Variants in DOCK8 observed in about 807,000 individuals in gnomAD.
DOCK8 encodes the protein dedicator of cytokinesis 8.
DOCK8 carries 141 observed loss-of-function variants against 245.6 expected under a neutral mutation model. That is an observed-to-expected ratio of 0.57 (90% CI 0.50 to 0.66). DOCK8 has a LOEUF of 0.66. DOCK8 is among the 30% of genes least tolerant of loss of function. DOCK8 has a pLI of 0.00. For synonymous variants in DOCK8, 1,168 were observed against 970.2 expected, an observed-to-expected ratio of 1.20 and a Z score of -3.79; for missense variants, 2,965 against 2,603.4, an observed-to-expected ratio of 1.14 and a Z score of -3.02.
At chr9:238,323 A>G (rs2047306244) in intron 1 of DOCK8, among the ~76,000 whole-genome samples, 1 of 152,244 alleles carries the variant, frequency 6.6e-6, no homozygotes, top group Admixed American at 6.5e-5. Flanking sequence ...ACACAAATCA[A>G]AGAGTGCTAA....
chr9:214,858 GC>G (rs2046700415), upstream of DOCK8: 6 of 1,602,146 alleles, frequency 3.7e-6, no homozygotes, highest in Non-Finnish European at 5.1e-6. Context: ...AGTTTCCAGC[GC>G]CGACCGACAG....
intron 14 of DOCK8, 133 bp from the exon 15 acceptor site, chr9:367,885 A>G (rs2053085246): frequency 1.4e-6 from 1 of 720,896 alleles, no homozygotes; most frequent in East Asian, 2.6e-5. Flanking sequence ...CCCCCCAATA[A>G]TAATTCACTT....
intron 26 of DOCK8, among the ~76,000 whole-genome samples, chr9:401,096 A>ACCACCACC (rs1344564311): frequency 0.031 from 4,702 of 149,358 alleles, 333 homozygotes; most frequent in African/African-American, 0.11. Flanking sequence ...CTCCACCACC[A>ACCACCACC]TCACCACCTC....
chr9:256,640 G>C (rs1411297844), intron 1 of DOCK8, among the ~76,000 whole-genome samples: 1 of 152,040 alleles, frequency 6.6e-6, no homozygotes, highest in African/African-American at 2.4e-5. Context: ...CCCTCATTCT[G>C]GTCATCTCCT....
intron 1 of DOCK8, among the ~76,000 whole-genome samples, chr9:247,097 G>C (rs1209039525): frequency 6.6e-6 from 1 of 152,168 alleles, no homozygotes. Context: ...AAAGCATTCT[G>C]AATGACCTGA....
chr9:233,903 TTTAATA>T (rs1254171450), intron 1 of DOCK8, among the ~76,000 whole-genome samples: 2 of 152,088 alleles, frequency 1.3e-5, no homozygotes, highest in East Asian at 3.9e-4. Flanking sequence ...TTACATTTAA[TTTAATA>T]TTGTTATGTG....
At chr9:427,016 C>T in intron 34 of DOCK8, 35 bp downstream of exon 34, 2 of 1,565,622 alleles carry the variant, frequency 1.3e-6, no homozygotes, top group Non-Finnish European at 1.8e-6. Flanking sequence ...GATTTGTTGG[C>T]CATGAATATG....
intron 29 of DOCK8, 28 bp from the exon 30 acceptor site, chr9:418,040 G>A: frequency 6.2e-7 from 1 of 1,614,006 alleles, no homozygotes; most frequent in Non-Finnish European, 8.5e-7. Flanking sequence ...TGTTTGACTT[G>A]ACATCACAAA....
intron 39 of DOCK8, among the ~76,000 whole-genome samples, chr9:436,411 A>G (rs10283673): frequency 0.68 from 103,424 of 152,174 alleles, 37,255 homozygotes; most frequent in East Asian, 0.98. Flanking sequence ...TGACCATGTG[A>G]TACTATCAAA....
rs750712866 is a variant in DOCK8, at chr9:367,998, C to G, written c.1680-20C>G. The G allele has an allele frequency of 7.6e-6, 12 of 1,580,328 alleles. No individual in the cohort carries two copies. The Admixed American group carries it at 2.0e-4, about 26-fold the overall frequency. On this transcript the variant is annotated intron_variant, in intron 14 of 47. Transcript: ENST00000432829. ...AAACTCTAGACCTTTTTCATTGATT[C>G]TTTATCTCTTCTTTTCCAGAAACCT...
chr9:464,227 C>T lies in DOCK8; in HGVS notation c.*8C>T. The T allele has an allele frequency of 6.2e-7, 1 of 1,612,632 alleles. No individual in the cohort carries two copies. The highest frequency in any genetic ancestry group is 8.5e-7 in the Non-Finnish European group (1 of 1,178,670). On this transcript the variant is annotated 3_prime_UTR_variant, in exon 48 of 48. Transcript: ENST00000432829. Reference sequence around the variant, plus strand: ...TTGTCACAGGGCAGCTAAGAAAAGCCATCTTCATTCGTGGAGACTGTGGCC... The same window carrying T: ...TTGTCACAGGGCAGCTAAGAAAAGCTATCTTCATTCGTGGAGACTGTGGCC...
intron 28 of DOCK8, among the ~76,000 whole-genome samples, chr9:414,123 C>T (rs1385357161): frequency 7.2e-6 from 1 of 139,076 alleles, no homozygotes; most frequent in Admixed American, 7.3e-5. Context: ...GCCTGAACAA[C>T]TCCATGTCAA....
intron 7 of DOCK8, among the ~76,000 whole-genome samples, chr9:317,401 C>T (rs2050394111): frequency 6.6e-6 from 1 of 152,136 alleles, no homozygotes; most frequent in African/African-American, 2.4e-5. Context: ...AAATGACCTA[C>T]ATTAAGAAAA....
chr9:336,523 A>C, intron 11 of DOCK8, 59 bp from the exon 12 acceptor site: 1 of 1,609,810 alleles, frequency 6.2e-7, no homozygotes, highest in Non-Finnish European at 8.5e-7. Flanking sequence ...TGAAGTTAAT[A>C]ACTGCTGTGT....
chr9:368,195 C>T (rs778443444), intron 15 of DOCK8, 60 bp downstream of exon 15: 19 of 1,368,706 alleles, frequency 1.4e-5, no homozygotes, highest in Non-Finnish European at 1.9e-5. Context: ...CCTGTCACTT[C>T]ACACAAGTCC....
intron 14 of DOCK8, among the ~76,000 whole-genome samples, chr9:362,614 C>T (rs991070422): frequency 2.6e-5 from 4 of 152,196 alleles, no homozygotes; most frequent in Non-Finnish European, 5.9e-5. Flanking sequence ...CTCTTTCCTT[C>T]TCTCCTGCTG....
At chr9:371,139 A>G (rs1168487306) in intron 16 of DOCK8, among the ~76,000 whole-genome samples, 2 of 152,044 alleles carry the variant, frequency 1.3e-5, no homozygotes, top group Admixed American at 6.5e-5. Flanking sequence ...TCTTCAAATT[A>G]AGTTGTTGGA....
At chr9:376,368 G>A (rs2053516438) in intron 19 of DOCK8, 63 bp downstream of exon 19, 2 of 1,119,632 alleles carry the variant, frequency 1.8e-6, no homozygotes, top group Non-Finnish European at 2.7e-6. Flanking sequence ...TGAAGGACAG[G>A]CCAATAAAAG....
chr9:432,347 T>C (rs781605766), intron 37 of DOCK8, 23 bp downstream of exon 37: 1 of 1,613,502 alleles, frequency 6.2e-7, no homozygotes, highest in Admixed American at 1.7e-5. Context: ...ACATACCTTG[T>C]CTCATGCATG....
Sources: gnomAD v4.1 joint callset for allele counts (sites outside exome capture counted in the v4.1 genomes callset) on GRCh38, gnomAD v4.1.1 for gene constraint, MANE v1.5 for transcripts, NCBI Gene and HGNC (gene_info 2026-07-23, HGNC 2026-07-21) for gene names.